The following MAPK1IP1L variants were observed in gnomAD, a reference collection of about 807,000 sequenced individuals.
The protein encoded by MAPK1IP1L is MAPK-interacting and spindle-stabilizing protein-like.
In MAPK1IP1L, 10 loss-of-function variants were observed where a neutral mutation model predicts 18.1. The observed-to-expected ratio is 0.55, with a 90% CI of 0.34 to 0.94. The LOEUF (loss-of-function observed/expected upper bound fraction) is 0.94, where lower values mean the gene tolerates loss of function less well. MAPK1IP1L is among the 40% of genes least tolerant of loss of function. MAPK1IP1L has a pLI of 0.02. For missense variants in MAPK1IP1L, 260 were observed against 318.2 expected (o/e 0.82, Z 1.39); for synonymous variants, 115 against 117.3 (o/e 0.98, Z 0.13).
intron 1 of MAPK1IP1L, 37 bp downstream of exon 1, chr14:55,051,840 G>A (rs889104566): frequency 2.2e-6 from 1 of 452,366 alleles, no homozygotes; most frequent in Non-Finnish European, 4.5e-6. Context: ...GTCGTGAAGG[G>A]GAATCGGGGA....
Position 55,062,824 on chromosome 14 carries a change from G to A in MAPK1IP1L, c.225G>A (p.Val75=). ...CACCAACAGGAATGTATCCCTCCGTGCCTCCCACCGGACCACCTCCAGGAC... is the reference window on the plus strand; with the variant it reads ...CACCAACAGGAATGTATCCCTCCGTACCTCCCACCGGACCACCTCCAGGAC... ...GPAPTGMYPS[V]PPTGPPPGPP... The change falls in exon 3 of 4, where the codon GTG becomes GTA. Residue 75 remains valine (V), a synonymous_variant. Transcript: ENST00000395468. The A allele has an allele frequency of 1.9e-6, 3 of 1,614,068 alleles. No homozygotes were observed. Among genetic ancestry groups the A allele is most frequent in the Non-Finnish European group, 2.5e-6 (3 of 1,180,008 alleles).
At chr14:55,055,706 G>C (rs970335687) in intron 1 of MAPK1IP1L, among the ~76,000 whole-genome samples, 2 of 152,078 alleles carry the variant, frequency 1.3e-5, no homozygotes, top group Admixed American at 6.6e-5. Context: ...TGAGGTGGGC[G>C]GATTACTTGA....
intron 1 of MAPK1IP1L, among the ~76,000 whole-genome samples, chr14:55,055,862 G>A (rs528813533): frequency 5.3e-4 from 81 of 152,272 alleles, no homozygotes; most frequent in African/African-American, 1.8e-3. Context: ...CCTGGGAGGC[G>A]GAGGTTGCAG....
At position 55,064,997 on chromosome 14, in the gene MAPK1IP1L, G is replaced by A. The variant is rs2042851079; in HGVS notation, c.*370G>A. On this transcript the variant is annotated 3_prime_UTR_variant, in exon 4 of 4. Transcript: ENST00000395468. ...CAACTTCATTGGCAAATTATTTCAA[G>A]TATTTTTCTATAATCACTTTCCCCT... 5.7e-6 allele frequency: 1 copy of A among 176,892 alleles called. No homozygotes were observed. The highest frequency in any genetic ancestry group is 1.9e-4 in the South Asian group (1 of 5,224). The allele number at this position is 176,892 out of a possible 1,614,324, so 11.0% of individuals were successfully genotyped here.
intron 3 of MAPK1IP1L, chr14:55,064,033 T>TTTTTTTTTTTTTTTTTG (rs1348655243): frequency 9.0e-6 from 1 of 111,290 alleles, no homozygotes; most frequent in African/African-American, 4.1e-5. Flanking sequence ...TTTTTTTTTT[T>TTTTTTTTTTTTTTTTTG]GAGACAGTCT....
At chr14:55,056,396 A>C (rs1470675614) in intron 1 of MAPK1IP1L, among the ~76,000 whole-genome samples, 1 of 152,210 alleles carries the variant, frequency 6.6e-6, no homozygotes, top group Non-Finnish European at 1.5e-5. Context: ...CTGTTTAAAA[A>C]GCATGTTAGC....
At chr14:55,061,459 A>T (rs546521122) in intron 1 of MAPK1IP1L, among the ~76,000 whole-genome samples, 2 of 152,354 alleles carry the variant, frequency 1.3e-5, no homozygotes, top group South Asian at 4.1e-4. Flanking sequence ...ATTGCAAATC[A>T]TTTTTGTATG....
chr14:55,057,889 C>T (rs1322046659), intron 1 of MAPK1IP1L, among the ~76,000 whole-genome samples: 7 of 152,070 alleles, frequency 4.6e-5, no homozygotes, highest in Admixed American at 4.6e-4. Flanking sequence ...GAGCTGTGAT[C>T]ACACCACTGC....
At chr14:55,061,831 G>A (rs2042820245) in intron 2 of MAPK1IP1L, 130 bp downstream of exon 2, 1 of 684,382 alleles carries the variant, frequency 1.5e-6, no homozygotes. Flanking sequence ...TGCACCTGTA[G>A]TCCTAGCTAC....
intron 1 of MAPK1IP1L, among the ~76,000 whole-genome samples, chr14:55,052,811 T>C (rs1230374354): frequency 6.6e-6 from 1 of 152,228 alleles, no homozygotes; most frequent in East Asian, 1.9e-4. Context: ...TGGAGTGAAT[T>C]GCAAATATTG....
rs1182623611 is a variant in MAPK1IP1L at position 55,069,507 on chromosome 14, C to G, written c.*4880C>G. The G allele has an allele frequency of 1.3e-5, 2 of 152,446 alleles. No individual in the cohort carries two copies. The highest frequency in any genetic ancestry group is 2.9e-5 in the Non-Finnish European group (2 of 68,016). 9.4% of individuals were successfully genotyped at this position (152,446 alleles called of 1,614,324 possible). On this transcript the variant is annotated 3_prime_UTR_variant, in exon 4 of 4. Transcript: ENST00000395468. ...ACTTGTTTGCTTTTGTGTATTATAC[C>G]TGGAAACTTTTTTTAAAAAATGTAT...
chr14:55,061,625 G>T, intron 1 of MAPK1IP1L, 55 bp from the exon 2 acceptor site: 1 of 1,245,152 alleles, frequency 8.0e-7, no homozygotes, highest in Admixed American at 2.1e-5. Context: ...TTAAGAAATG[G>T]TGAACACTGA....
In MAPK1IP1L at chr14:55,069,833, CTCTG is replaced by C. The variant is rs2042892256; in HGVS notation, c.*5213_*5216del. 3 of 152,058 alleles carry C rather than the reference CTCTG, an allele frequency of 2.0e-5. No homozygotes were observed. The highest frequency in any genetic ancestry group is 4.8e-5 in the African/African-American group (2 of 41,450). The allele number at this position is 152,058 out of a possible 1,614,324, so 9.4% of individuals were successfully genotyped here. A position where few individuals can be genotyped will look rare whatever the true frequency, so the allele number is the denominator to read the frequency against. The stretch of plus-strand genomic sequence containing the variant: ...TGATAATATGAAGTCAGGGAACTTT[CTCTG>C]TCTGTCCCTACTCCCCTCACTCCCC... On this transcript the variant is annotated 3_prime_UTR_variant, in exon 4 of 4. Transcript: ENST00000395468.
In MAPK1IP1L at chr14:55,064,821, C is replaced by T. The variant is rs2042849946; in HGVS notation, c.*194C>T. 8 of 461,040 alleles carry T rather than the reference C, an allele frequency of 1.7e-5. No homozygotes were observed. The South Asian group carries it at 4.6e-4, about 26-fold the overall frequency. 28.6% of individuals were successfully genotyped at this position (461,040 alleles called of 1,614,324 possible). A position where few individuals can be genotyped will look rare whatever the true frequency, so the allele number is the denominator to read the frequency against. ...TCATATGTATACAATCAGATAAAAG[C>T]ATAGAAGTAAATCATTCGGATGTGA... On this transcript the variant is annotated 3_prime_UTR_variant, in exon 4 of 4. Coordinates refer to ENST00000395468, the MANE Select transcript of MAPK1IP1L (RefSeq NM_144578.4).
At position 55,051,701 on chromosome 14, in the gene MAPK1IP1L, C is replaced by T. The variant is rs908325574; in HGVS notation, c.-107C>T. On this transcript the variant is annotated 5_prime_UTR_variant, in exon 1 of 4. Coordinates refer to ENST00000395468, the MANE Select transcript of MAPK1IP1L (RefSeq NM_144578.4). The stretch of plus-strand genomic sequence containing the variant: ...CGCGCTGCTGGTGCTGTTGCCGCCG[C>T]TGCTCTAGCTGCCGTCAGTCAGGCT... 1 of 516,334 alleles carries T rather than the reference C, an allele frequency of 1.9e-6. No individual in the cohort carries two copies. The highest frequency in any genetic ancestry group is 3.9e-6 in the Non-Finnish European group (1 of 259,556). 32.0% of individuals were successfully genotyped at this position (516,334 alleles called of 1,614,324 possible).
At chr14:55,060,730 C>T (rs939839381) in intron 1 of MAPK1IP1L, 1 of 152,050 alleles carries the variant, frequency 6.6e-6, no homozygotes, top group Non-Finnish European at 1.5e-5. Context: ...GTTATAGGGG[C>T]GTATACAATT....
chr14:55,063,112 A>C lies in MAPK1IP1L; in HGVS notation c.513A>C (p.Pro171=). The C allele has an allele frequency of 6.2e-7, 1 of 1,613,524 alleles. No homozygotes were observed. The highest frequency in any genetic ancestry group is 8.5e-7 in the Non-Finnish European group (1 of 1,180,022). Residue 171 remains proline, a synonymous_variant, in exon 3 of 4, where the codon CCA becomes CCC. Transcript: ENST00000395468. ...CCCCTAATATGCCATATCCATCTCC[A>C]GGCCCATATCCCGCTCCTCCTCCTC... ...YPTPNMPYPS[P]GPYPAPPPPQ...
Position 55,064,933 on chromosome 14 carries a change from C to T in MAPK1IP1L, c.*306C>T. 7.7e-6 allele frequency: 2 copies of T among 261,052 alleles called. No individual in the cohort carries two copies. The highest frequency in any genetic ancestry group is 1.4e-5 in the Non-Finnish European group (2 of 139,484). 16.2% of individuals were successfully genotyped at this position (261,052 alleles called of 1,614,324 possible). A position where few individuals can be genotyped will look rare whatever the true frequency, so the allele number is the denominator to read the frequency against. On this transcript the variant is annotated 3_prime_UTR_variant, in exon 4 of 4. Transcript: ENST00000395468. ...AATTTGTTTAAACTATGAAACTACA[C>T]ACTTAAAAATCTAAGATGTGGATTA... is the stretch of plus-strand genomic sequence containing the variant.
intron 1 of MAPK1IP1L, 145 bp from the exon 2 acceptor site, chr14:55,061,535 T>G (rs1439936624): frequency 1.6e-6 from 1 of 609,828 alleles, no homozygotes; most frequent in Non-Finnish European, 2.8e-6. Flanking sequence ...AACTTTCCTA[T>G]GTAAAGAAAA....
Sources: gnomAD v4.1 joint callset for allele counts (sites outside exome capture counted in the v4.1 genomes callset) on GRCh38, gnomAD v4.1.1 for gene constraint, MANE v1.5 for transcripts, NCBI Gene and HGNC (gene_info 2026-07-23, HGNC 2026-07-21) for gene names.